WWP2: variants seen among roughly 807,000 people sequenced by gnomAD.
WWP2 encodes the protein NEDD4-like E3 ubiquitin-protein ligase WWP2.
A neutral mutation model predicts 121.0 loss-of-function variants in WWP2; 57 were observed. That is an observed-to-expected ratio of 0.47 (90% CI 0.38 to 0.59). The LOEUF is 0.59. WWP2 is among the 20% of genes least tolerant of loss of function. WWP2 has a pLI of 0.00. For synonymous variants in WWP2, 449 were observed against 441.3 expected, an observed-to-expected ratio of 1.02 and a Z score of -0.22; for missense variants, 962 against 1,158.9, an observed-to-expected ratio of 0.83 and a Z score of 2.47.
chr16:69,831,932 G>A (rs567661763), intron 4 of WWP2, among the ~76,000 whole-genome samples: 10 of 149,336 alleles, frequency 6.7e-5, no homozygotes, highest in Non-Finnish European at 1.0e-4. Flanking sequence ...GGGCACAAGC[G>A]ATTATTCCGC....
chr16:69,937,166 A>C lies in WWP2; in HGVS notation c.2166A>C (p.Lys722Asn). The change falls in exon 20 of 24, where the codon AAA becomes AAC. Residue 722 changes from lysine (K) to asparagine (N), a missense_variant. Lys to Asn is a moderately conservative substitution (Grantham distance 94). Transcript: ENST00000359154. This position sits in a 1 kb window ranked among gnomAD's most constrained non-coding sequence, Gnocchi z 6.6. Reference sequence around the variant, plus strand: ...CCCGAGGCGTGGAAGAGCAGACCAAAGCCTTCCTGGATGGCTTCAACGAGG... The same window carrying C: ...CCCGAGGCGTGGAAGAGCAGACCAACGCCTTCCTGGATGGCTTCAACGAGG... ...RFTRGVEEQTKAFLDGFNEVA... is the reference protein window; with the variant it reads ...RFTRGVEEQTNAFLDGFNEVA... The C allele has an allele frequency of 1.2e-6, 2 of 1,613,980 alleles. No homozygotes were observed. Among genetic ancestry groups the C allele is most frequent in the Non-Finnish European group, 1.7e-6 (2 of 1,180,002 alleles).
intron 4 of WWP2, among the ~76,000 whole-genome samples, chr16:69,824,264 A>G (rs1474627312): frequency 2.0e-5 from 3 of 152,044 alleles, no homozygotes; most frequent in Non-Finnish European, 4.4e-5. Flanking sequence ...GACTACCAGG[A>G]TTCTTGGAGT....
chr16:69,812,186 A>G (rs1337192701), intron 4 of WWP2, among the ~76,000 whole-genome samples: 5 of 64,612 alleles, frequency 7.7e-5, no homozygotes, highest in South Asian at 4.5e-4. Context: ...TTTTTTTTTG[A>G]GATGGAGTCT....
chr16:69,800,589 G>T (rs1172935569), intron 4 of WWP2, among the ~76,000 whole-genome samples: 5 of 149,256 alleles, frequency 3.3e-5, no homozygotes, highest in Admixed American at 6.7e-5. Context: ...TTTTGAGATG[G>T]AGTCTTACTC....
At chr16:69,812,467 A>ACC (rs2056411447) in intron 4 of WWP2, among the ~76,000 whole-genome samples, 1 of 102,430 alleles carries the variant, frequency 9.8e-6, no homozygotes, top group South Asian at 3.3e-4. Context: ...GCCTGCCCCC[A>ACC]ACCCCCCCCC....
intron 6 of WWP2, among the ~76,000 whole-genome samples, chr16:69,855,923 A>G (rs2151895533): frequency 6.6e-6 from 1 of 152,310 alleles, no homozygotes; most frequent in East Asian, 1.9e-4. Context: ...GGATGAATAG[A>G]ACGTTTTGGC....
intron 4 of WWP2, among the ~76,000 whole-genome samples, chr16:69,836,039 G>A (rs2056871074): frequency 6.6e-6 from 1 of 152,066 alleles, no homozygotes; most frequent in African/African-American, 2.4e-5. Context: ...CTGGGCTCAG[G>A]TGATCCACCC....
chr16:69,887,310 G>C lies in WWP2; in HGVS notation c.704-729G>C, dbSNP rs112472736. Among the ~76,000 whole-genome samples the C allele has an allele frequency of 9.9e-3, 1,501 of 152,288 alleles. 32 individuals carry two copies. Among genetic ancestry groups the C allele is most frequent in the African/African-American group, 0.033 (1,371 of 41,560 alleles). On this transcript the variant is annotated intron_variant, in intron 7 of 23. Coordinates refer to ENST00000359154, the MANE Select transcript of WWP2 (RefSeq NM_001270454.2). The stretch of plus-strand genomic sequence containing the variant: ...TTTAGTGTGTATGAGCTTTTTGAAA[G>C]AAGGTGCTAGTCATGTCTAGCAAAC...
chr16:69,913,671 G>C (rs182750263), intron 9 of WWP2, among the ~76,000 whole-genome samples: 3 of 152,090 alleles, frequency 2.0e-5, no homozygotes, highest in Non-Finnish European at 4.4e-5. Context: ...AATGGCATCT[G>C]TGCAACAAGA....
chr16:69,907,761 C>T (rs1156688751), intron 8 of WWP2, among the ~76,000 whole-genome samples: 2 of 152,116 alleles, frequency 1.3e-5, no homozygotes, highest in African/African-American at 4.8e-5. Flanking sequence ...TCCTCAGCAC[C>T]TTGATCTTAT....
chr16:69,803,425 A>G (rs1405044885), intron 4 of WWP2, among the ~76,000 whole-genome samples: 2 of 152,138 alleles, frequency 1.3e-5, no homozygotes, highest in East Asian at 1.9e-4. Context: ...CAATAGTGAC[A>G]TGAATTCCTA....
chr16:69,778,173 A>AAT (rs1199845166), intron 1 of WWP2, among the ~76,000 whole-genome samples: 6,085 of 117,846 alleles, frequency 0.052, 201 homozygotes, highest in Non-Finnish European at 0.063. Flanking sequence ...ACTATAAATA[A>AAT]ATATATATAT....
At chr16:69,900,001 A>G (rs74029748) in intron 8 of WWP2, among the ~76,000 whole-genome samples, 5,654 of 152,272 alleles carry the variant, frequency 0.037, 295 homozygotes, top group African/African-American at 0.12. Context: ...ATGAATACCC[A>G]TTATAGGAAT....
At chr16:69,785,700 C>T (rs1053353550) in intron 1 of WWP2, among the ~76,000 whole-genome samples, 6 of 151,782 alleles carry the variant, frequency 4.0e-5, no homozygotes, top group Non-Finnish European at 8.8e-5. Context: ...AGTCTCGGCC[C>T]ACTGCAACCT....
intron 1 of WWP2, among the ~76,000 whole-genome samples, chr16:69,771,800 G>A (rs1222786878): frequency 6.6e-6 from 1 of 151,994 alleles, no homozygotes; most frequent in African/African-American, 2.4e-5. Context: ...AGTGCGGGAA[G>A]GTGAGTTGGG....
rs990327778 is a variant in WWP2 at position 69,798,809 on chromosome 16, C to G, written c.198C>G (p.Leu66=). The G allele has an allele frequency of 1.2e-6, 2 of 1,614,034 alleles. No homozygotes were observed. Among genetic ancestry groups the G allele is most frequent in the Non-Finnish European group, 1.7e-6 (2 of 1,179,982 alleles). Residue 66 remains leucine, a synonymous_variant, in exon 3 of 24, where the codon CTC becomes CTG. Coordinates refer to ENST00000359154, the MANE Select transcript of WWP2 (RefSeq NM_001270454.2). Reference sequence around the variant, plus strand: ...AGCGCATTGGGAGCTCTGAGCTTCTCTGGAATGAGATCATCATTTTGTAAG... The same window carrying G: ...AGCGCATTGGGAGCTCTGAGCTTCTGTGGAATGAGATCATCATTTTGTAAG... ...TGKRIGSSEL[L]WNEIIILNVT...
chr16:69,871,321 T>C (rs962775495), intron 6 of WWP2, among the ~76,000 whole-genome samples: 21 of 152,316 alleles, frequency 1.4e-4, no homozygotes, highest in African/African-American at 4.8e-4. Context: ...TGTCAACATA[T>C]GCATTGACTA....
intron 4 of WWP2, among the ~76,000 whole-genome samples, chr16:69,831,489 A>G (rs1275366945): frequency 6.6e-6 from 1 of 152,152 alleles, no homozygotes; most frequent in African/African-American, 2.4e-5. Flanking sequence ...GGCAATTTCC[A>G]TGCCCTATTT....
At chr16:69,775,150 TG>T (rs34147639) in intron 1 of WWP2, 1 of 152,204 alleles carries the variant, frequency 6.6e-6, no homozygotes, top group East Asian at 1.9e-4. Flanking sequence ...GGTAATACAC[TG>T]GGGGAAATTT....
Sources: allele counts gnomAD v4.1 joint callset (sites outside exome capture counted in the v4.1 genomes callset), GRCh38; gene constraint gnomAD v4.1.1; non-coding constraint Gnocchi (gnomAD v3.1); transcripts MANE v1.5; gene names NCBI Gene and HGNC (gene_info 2026-07-23, HGNC 2026-07-21).